BICD1: variants seen among roughly 807,000 people sequenced by gnomAD.
The protein encoded by BICD1 is protein bicaudal D homolog 1.
Under a neutral mutation model 92.5 loss-of-function variants are expected in BICD1, and 35 were observed. The observed-to-expected ratio is 0.38, with a 90% CI of 0.29 to 0.50. The LOEUF (loss-of-function observed/expected upper bound fraction) is 0.50. BICD1 is among the 20% of genes least tolerant of loss of function. The pLI, the probability that BICD1 is intolerant of heterozygous loss-of-function variation, is 0.93. For missense variants in BICD1, 950 were observed against 1,189.8 expected, an observed-to-expected ratio of 0.80 and a Z score of 2.97; for synonymous variants, 429 against 465.1, an observed-to-expected ratio of 0.92 and a Z score of 1.00.
Position 32,379,765 on chromosome 12 carries a change from T to C in BICD1, c.*2138T>C, listed in dbSNP as rs1940120018. 6.6e-6 allele frequency: 1 copy of C among 152,212 alleles called. No homozygotes were observed. The highest frequency in any genetic ancestry group is 2.4e-5 in the African/African-American group (1 of 41,460). 9.4% of individuals were successfully genotyped at this position (152,212 alleles called of 1,614,324 possible). A position where few individuals can be genotyped will look rare whatever the true frequency, so the allele number is the denominator to read the frequency against. On this transcript the variant is annotated 3_prime_UTR_variant, in exon 10 of 10. Coordinates refer to ENST00000652176, the MANE Select transcript of BICD1 (RefSeq NM_001714.4). ...AAACTGTTTGTGCCTGAGGGAAATATATGCCTTTTTAAAAAGTACCTCAGA... is the reference window on the plus strand; with the variant it reads ...AAACTGTTTGTGCCTGAGGGAAATACATGCCTTTTTAAAAAGTACCTCAGA...
Position 32,161,561 on chromosome 12 carries a change from TC to T in BICD1, c.213+54018del, listed in dbSNP as rs1488016197. ...ACTTACCATAGTTTGAAGGTTAAGA[TC>T]AATAAAGTGGACCAAACATTCAGTG... On this transcript the variant is annotated intron_variant, in intron 1 of 9. Coordinates refer to ENST00000652176, the MANE Select transcript of BICD1 (RefSeq NM_001714.4). 2.6e-5 allele frequency among the ~76,000 whole-genome samples: 4 copies of T among 152,208 alleles called. No homozygotes were observed. In the East Asian group the frequency reaches 5.8e-4, roughly 22 times the overall value.
At chr12:32,315,029 T>C (rs1373479676) in intron 4 of BICD1, among the ~76,000 whole-genome samples, 6 of 152,236 alleles carry the variant, frequency 3.9e-5, no homozygotes, top group African/African-American at 1.2e-4. Flanking sequence ...AACTGTTGTC[T>C]AATCTAAGGT....
At chr12:32,334,302 A>G (rs1938007591) in intron 5 of BICD1, among the ~76,000 whole-genome samples, 1 of 152,134 alleles carries the variant, frequency 6.6e-6, no homozygotes, top group African/African-American at 2.4e-5. Context: ...GCGGGCTTCT[A>G]GGGCAATTTA....
chr12:32,161,479 T>A (rs1286079655), intron 1 of BICD1, among the ~76,000 whole-genome samples: 3 of 152,214 alleles, frequency 2.0e-5, no homozygotes, highest in Non-Finnish European at 4.4e-5. Context: ...ATGTTTTACA[T>A]TGTTATCGTT....
At chr12:32,217,359 G>A (rs56082138) in intron 2 of BICD1, among the ~76,000 whole-genome samples, 17,830 of 152,168 alleles carry the variant, frequency 0.12, 1,335 homozygotes, top group African/African-American at 0.21. Flanking sequence ...ATATTGTAAA[G>A]TATAAGACAA....
chr12:32,156,966 A>G (rs149167723), intron 1 of BICD1, among the ~76,000 whole-genome samples: 56 of 152,236 alleles, frequency 3.7e-4, no homozygotes, highest in African/African-American at 1.3e-3. Context: ...TTTATAACAC[A>G]TACATACACA....
At chr12:32,363,467 T>C (rs1939410557) in intron 8 of BICD1, among the ~76,000 whole-genome samples, 1 of 152,228 alleles carries the variant, frequency 6.6e-6, no homozygotes, top group South Asian at 2.1e-4. Flanking sequence ...TACAGCATTT[T>C]CTAATTCCAT....
chr12:32,348,263 A>G (rs993608787), intron 8 of BICD1, among the ~76,000 whole-genome samples: 13 of 152,218 alleles, frequency 8.5e-5, no homozygotes, highest in Non-Finnish European at 1.9e-4. Flanking sequence ...GAAGAGATCA[A>G]CATGAAAAAC....
chr12:32,355,880 T>C (rs546580001), intron 8 of BICD1, among the ~76,000 whole-genome samples: 1 of 152,198 alleles, frequency 6.6e-6, no homozygotes, highest in South Asian at 2.1e-4. Context: ...ACACCTCCTT[T>C]TGGGATGGCC....
At chr12:32,142,380 C>G (rs2668298) in intron 1 of BICD1, among the ~76,000 whole-genome samples, 40,077 of 134,348 alleles carry the variant, frequency 0.3, 6,086 homozygotes, top group African/African-American at 0.39. Flanking sequence ...CACTTCCAGC[C>G]TGGGCAAAAG....
intron 2 of BICD1, among the ~76,000 whole-genome samples, chr12:32,255,501 C>T (rs1026170762): frequency 3.3e-5 from 5 of 152,214 alleles, no homozygotes; most frequent in African/African-American, 1.2e-4. Context: ...ATTTATTCTA[C>T]AGATATTCCT....
intron 1 of BICD1, among the ~76,000 whole-genome samples, chr12:32,110,675 G>C (rs935741760): frequency 3.9e-5 from 6 of 152,096 alleles, no homozygotes; most frequent in African/African-American, 1.4e-4. Context: ...AAGAGTCATA[G>C]CTCCAAAATA....
At chr12:32,335,700 C>T (rs1313845443) in intron 6 of BICD1, among the ~76,000 whole-genome samples, 1 of 151,728 alleles carries the variant, frequency 6.6e-6, no homozygotes, top group East Asian at 1.9e-4. Context: ...CCCACGTCAC[C>T]TCAGCCTCCC....
chr12:32,234,117 A>G (rs1366240810), intron 2 of BICD1, among the ~76,000 whole-genome samples: 1 of 152,260 alleles, frequency 6.6e-6, no homozygotes, highest in Non-Finnish European at 1.5e-5. Flanking sequence ...GATTAGCTGT[A>G]TTAGTAGATC....
chr12:32,297,145 C>T (rs1251683006), intron 3 of BICD1, among the ~76,000 whole-genome samples: 1 of 152,162 alleles, frequency 6.6e-6, no homozygotes, highest in South Asian at 2.1e-4. Context: ...CCAGTAGTAA[C>T]TGATCTTTCT....
Position 32,131,695 on chromosome 12 carries a change from T to C in BICD1, c.213+24151T>C, listed in dbSNP as rs546082461. 2.3e-3 allele frequency among the ~76,000 whole-genome samples: 357 copies of C among 152,298 alleles called. 1 individual carries two copies. The highest frequency in any genetic ancestry group is 8.1e-3 in the African/African-American group (338 of 41,580). ...AACTACGAGACACTGCACTCCCAAA[T>C]TGAAGATTTAAAAAAATTCCTGATC... On this transcript the variant is annotated intron_variant, in intron 1 of 9. Transcript: ENST00000652176.
intron 1 of BICD1, among the ~76,000 whole-genome samples, chr12:32,168,155 A>T (rs1292348259): frequency 6.6e-6 from 1 of 152,164 alleles, no homozygotes; most frequent in Non-Finnish European, 1.5e-5. Context: ...AATCTTTTGC[A>T]AAGAAGGAAA....
chr12:32,341,862 A>AT (rs1276142842), intron 8 of BICD1, among the ~76,000 whole-genome samples: 1 of 152,040 alleles, frequency 6.6e-6, no homozygotes, highest in South Asian at 2.1e-4. Context: ...CATATCAAAC[A>AT]TTTTTTATGA....
At chr12:32,324,919 C>T (rs1948741270) in intron 4 of BICD1, among the ~76,000 whole-genome samples, 1 of 152,152 alleles carries the variant, frequency 6.6e-6, no homozygotes, top group Admixed American at 6.6e-5. Flanking sequence ...AATTTGCCTC[C>T]ACTAAATTTC....
Sources: gnomAD v4.1 joint callset for allele counts (sites outside exome capture counted in the v4.1 genomes callset) on GRCh38, gnomAD v4.1.1 for gene constraint, MANE v1.5 for transcripts, NCBI Gene and HGNC (gene_info 2026-07-23, HGNC 2026-07-21) for gene names.